The following DGKQ variants were observed in gnomAD, a reference collection of about 807,000 sequenced individuals.
DGKQ encodes the protein DAG kinase theta.
DGKQ carries 97 observed loss-of-function variants against 104.2 expected under a neutral mutation model. The ratio of observed to expected loss-of-function variants is 0.93; its 90% confidence interval spans 0.79 to 1.10. The LOEUF (loss-of-function observed/expected upper bound fraction) is 1.10. Among genes scored for constraint, DGKQ ranks in the 50% least tolerant of loss-of-function variants. The pLI, the probability that DGKQ is intolerant of heterozygous loss-of-function variation, is 0.00. For missense variants in DGKQ, 1,465 were observed against 1,352.1 expected (o/e 1.08, Z -1.31); for synonymous variants, 736 against 595.2 (o/e 1.24, Z -3.44).
rs1433945793 is a variant in DGKQ, at chr4:962,573, G to A, written c.2076C>T (p.Tyr692=). 12 of 1,609,718 alleles carry A rather than the reference G, an allele frequency of 7.5e-6. No individual in the cohort carries two copies. Among genetic ancestry groups the A allele is most frequent in the Non-Finnish European group, 8.5e-6 (10 of 1,179,904 alleles). ...GTACGGAGAACGGGTCCTCGCCGCT[G>A]TAGCCCGCCCCCCAGCGGAGGACTC... The part of the protein sequence containing the change: ...LGRVLRWGAG[Y]SGEDPFSVLL... The change falls in exon 18 of 23, where the codon TAC becomes TAT. Residue 692 remains tyrosine (Y), a synonymous_variant. Transcript: ENST00000273814.
At chr4:960,796 C>T (rs955575885) in intron 22 of DGKQ, 75 bp from the exon 23 acceptor site, 2 of 1,565,466 alleles carry the variant, frequency 1.3e-6, no homozygotes, top group Admixed American at 1.8e-5. Flanking sequence ...GCCCCCGGTC[C>T]TGGGGCCCCG....
At chr4:966,382 G>A (rs927655140) in intron 12 of DGKQ, 84 bp downstream of exon 12, 22 of 1,465,146 alleles carry the variant, frequency 1.5e-5, no homozygotes, top group East Asian at 4.6e-5. Flanking sequence ...AGAACTCGGC[G>A]TCTGGGGCAC....
At chr4:961,652 C>G in intron 20 of DGKQ, 36 bp downstream of exon 20, 2 of 1,611,444 alleles carry the variant, frequency 1.2e-6, no homozygotes, top group African/African-American at 1.3e-5. Flanking sequence ...ATGGCCCCGC[C>G]GGGCAGAGCC....
Position 966,026 on chromosome 4 carries a change from T to A in DGKQ, c.1481A>T (p.Asp494Val). ...AAACAGGGAGACGTGCGGGGCTACA[T>A]CCCTGCTCTCTGCCACGTAGAACCG... ...QTRFYVAESR[D>V]VAPHVSLFVG... Residue 494 changes from aspartate to valine, a missense_variant, in exon 13 of 23, where the codon GAT (aspartate) becomes GTT (valine). Coordinates refer to ENST00000273814, the MANE Select transcript of DGKQ (RefSeq NM_001347.4). 1 of 1,604,896 alleles carries A rather than the reference T, an allele frequency of 6.2e-7. No homozygotes were observed. The highest frequency in any genetic ancestry group is 2.2e-5 in the East Asian group (1 of 44,600).
intron 18 of DGKQ, 39 bp from the exon 19 acceptor site, chr4:962,121 C>T (rs773577653): frequency 1.4e-5 from 22 of 1,552,532 alleles, no homozygotes; most frequent in Non-Finnish European, 1.9e-5. Context: ...CCCGGCCGCC[C>T]TCACCAGGCC....
chr4:968,686 T>C (rs1712676104), intron 3 of DGKQ, 122 bp from the exon 4 acceptor site: 2 of 1,350,308 alleles, frequency 1.5e-6, no homozygotes, highest in South Asian at 1.4e-5. Flanking sequence ...TCCTGTGGCC[T>C]GCCAGGCGGC....
At chr4:968,233 C>T in intron 5 of DGKQ, 49 bp downstream of exon 5, 1 of 946,556 alleles carries the variant, frequency 1.1e-6, no homozygotes, top group Non-Finnish European at 1.5e-6. Context: ...CCACCCAACC[C>T]CGCACCTCTC....
Position 966,749 on chromosome 4 carries a change from G to A in DGKQ, c.1365C>T (p.His455=), listed in dbSNP as rs765438269. ...GCCCAGCACGGGCTGTCTACTCACC[G>A]TGCCTGCAGCCCATCGCCACCTCCA... ...QLVEVAMGCR[H]VQRTMLMDEQ... The change falls in exon 11 of 23, where the codon CAC becomes CAT. Residue 455 remains histidine, a splice_region_variant and synonymous_variant. Coordinates refer to ENST00000273814, the MANE Select transcript of DGKQ (RefSeq NM_001347.4). 2.6e-5 allele frequency: 42 copies of A among 1,607,222 alleles called. No homozygotes were observed. The highest frequency in any genetic ancestry group is 1.6e-4 in the Middle Eastern group (1 of 6,066).
At chr4:969,404 A>T (rs768449236) in intron 2 of DGKQ, among the ~76,000 whole-genome samples, 2 of 152,216 alleles carry the variant, frequency 1.3e-5, no homozygotes, top group Non-Finnish European at 2.9e-5. Flanking sequence ...ACGAGTGTGG[A>T]CCAATGTTTC....
rs1200370520 is a variant in DGKQ, at chr4:967,621, G to C, written c.915C>G (p.Gly305=). ...ACTGGCTTCTTCTCACCGCGTCGTC[G>C]CCATCAAAGATCTTCAGCGTTTGCT... is the stretch of plus-strand genomic sequence containing the variant. ...SGKQTLKIFD[G]DDAVRRSQFR... Residue 305 remains glycine, a synonymous_variant, in exon 8 of 23, where the codon GGC becomes GGG. Transcript: ENST00000273814. 5.6e-6 allele frequency: 9 copies of C among 1,612,578 alleles called. No homozygotes were observed. The highest frequency in any genetic ancestry group is 7.6e-6 in the Non-Finnish European group (9 of 1,179,880).
At chr4:965,653 A>T in intron 13 of DGKQ, 124 bp from the exon 14 acceptor site, 1 of 1,108,690 alleles carries the variant, frequency 9.0e-7, no homozygotes, top group Non-Finnish European at 1.3e-6. Flanking sequence ...CCCAGGAAGT[A>T]CCCCTGCCCC....
In DGKQ at chr4:961,563, G is replaced by T; in HGVS notation, c.2478C>A (p.Ala826=). ...FINIPSWGSG[A]DLWGSDSDTR... Reference sequence around the variant, plus strand: ...TGTCGCTGTCGGAGCCCCACAGGTCGGCCCCCGAGCCCCAGCTGCCGCATA... The same window carrying T: ...TGTCGCTGTCGGAGCCCCACAGGTCTGCCCCCGAGCCCCAGCTGCCGCATA... The change falls in exon 21 of 23, where the codon GCC becomes GCA. Residue 826 remains alanine, a synonymous_variant. Coordinates refer to ENST00000273814, the MANE Select transcript of DGKQ (RefSeq NM_001347.4). The T allele has an allele frequency of 6.2e-7, 1 of 1,608,782 alleles. No homozygotes were observed. Among genetic ancestry groups the T allele is most frequent in the South Asian group, 1.1e-5 (1 of 90,694 alleles).
Position 968,857 on chromosome 4 carries a change from A to G in DGKQ, c.405T>C (p.Cys135=). 1.2e-6 allele frequency: 2 copies of G among 1,609,834 alleles called. No individual in the cohort carries two copies. The highest frequency in any genetic ancestry group is 2.2e-5 in the South Asian group (2 of 90,858). The change falls in exon 3 of 23, where the codon TGT becomes TGC. Residue 135 remains cysteine, a synonymous_variant. Transcript: ENST00000273814. The part of the protein sequence containing the change: ...GPRGLHKRKF[C]AVCRKVLEAP... Reference sequence around the variant, plus strand: ...CCTCCAGGACCTTGCGGCAGACAGCACAGAACTTGCGCTTGTGGAGCCCCC... The same window carrying G: ...CCTCCAGGACCTTGCGGCAGACAGCGCAGAACTTGCGCTTGTGGAGCCCCC...
rs1309666179 is a variant in DGKQ, at chr4:968,031, G to C, written c.664-4C>G. The C allele has an allele frequency of 2.6e-5, 37 of 1,424,872 alleles. No homozygotes were observed. The highest frequency in any genetic ancestry group is 6.0e-5 in the Admixed American group (2 of 33,242). 88.3% of individuals were successfully genotyped at this position (1,424,872 alleles called of 1,614,324 possible). A position where few individuals can be genotyped will look rare whatever the true frequency, so the allele number is the denominator to read the frequency against. The stretch of plus-strand genomic sequence containing the variant: ...CCGCGGAGCAGAGGGAGTGCGCCTG[G>C]GGGGAGAAGGGCCTGAGCTGGGGGG... On this transcript the variant is annotated splice_region_variant and splice_polypyrimidine_tract_variant and intron_variant, in intron 5 of 22. Coordinates refer to ENST00000273814, the MANE Select transcript of DGKQ (RefSeq NM_001347.4).
rs1577480147 is a variant in DGKQ at position 966,627 on chromosome 4, C to T, written c.1367-100G>A. On this transcript the variant is annotated intron_variant, in intron 11 of 22. Coordinates refer to ENST00000273814, the MANE Select transcript of DGKQ (RefSeq NM_001347.4). ...GGGCCCGTGGGGATGCAGGGTGGAG[C>T]TGGTCAGGAGGGCAGAGCCCGGCCT... The T allele has an allele frequency of 1.4e-5, 21 of 1,509,216 alleles. 1 individual carries two copies. In the South Asian group the frequency reaches 2.5e-4, roughly 18 times the overall value. 93.5% of individuals were successfully genotyped at this position (1,509,216 alleles called of 1,614,324 possible).
chr4:963,710 G>A (rs1011089964), intron 15 of DGKQ, among the ~76,000 whole-genome samples: 3 of 151,962 alleles, frequency 2.0e-5, no homozygotes, highest in South Asian at 2.1e-4. Flanking sequence ...GGAGGATGGC[G>A]GCTCCCAGGC....
At chr4:969,040 T>G in intron 2 of DGKQ, 130 bp from the exon 3 acceptor site, 1 of 601,152 alleles carries the variant, frequency 1.7e-6, no homozygotes, top group South Asian at 2.5e-5. Context: ...GAGCCAGCTG[T>G]GCTAGCTGGA....
rs548548276 is a variant in DGKQ, at chr4:973,237, C to A, written c.246G>T (p.Trp82Cys). ...TFCHLCSDFI[W>C]GLAGFLCDVC... is the part of the protein sequence containing the mutation. The stretch of plus-strand genomic sequence containing the variant: ...CGTCGCACAGGAAGCCGGCCAGCCC[C>A]CAGATGAAGTCGGAGCAGAGGTGGC... The change falls in exon 1 of 23, where the codon TGG (tryptophan) becomes TGT (cysteine). Residue 82 changes from tryptophan to cysteine, a missense_variant. Transcript: ENST00000273814. 6.4e-7 allele frequency: 1 copy of A among 1,562,946 alleles called. No homozygotes were observed. The highest frequency in any genetic ancestry group is 1.8e-5 in the Admixed American group (1 of 55,470).
Position 967,958 on chromosome 4 carries a change from G to A in DGKQ, c.733C>T (p.Pro245Ser). ...GFGRLRSLVL[P>S]PACVRLLPGG... ...GGCAGAAGGCGCACGCACGCGGGAG[G>A]CAGGACCAGGGAGCGCAGACGCCCG... Residue 245 changes from proline (P) to serine (S), a missense_variant, in exon 6 of 23, where the codon CCT (proline) becomes TCT (serine). Physicochemically the swap from Pro to Ser is moderately conservative, Grantham distance 74. Transcript: ENST00000273814. 6.7e-7 allele frequency: 1 copy of A among 1,487,824 alleles called. No individual in the cohort carries two copies. Among genetic ancestry groups the A allele is most frequent in the Non-Finnish European group, 8.9e-7 (1 of 1,127,126 alleles). 92.2% of individuals were successfully genotyped at this position (1,487,824 alleles called of 1,614,324 possible).
Sources: gnomAD v4.1 joint callset for allele counts (sites outside exome capture counted in the v4.1 genomes callset) on GRCh38, gnomAD v4.1.1 for gene constraint, MANE v1.5 for transcripts, NCBI Gene and HGNC (gene_info 2026-07-23, HGNC 2026-07-21) for gene names.